ZBTB44: variants seen among roughly 807,000 people sequenced by gnomAD.
The protein encoded by ZBTB44 is zinc finger and BTB domain-containing protein 44.
A neutral mutation model predicts 54.0 loss-of-function variants in ZBTB44; 15 were observed. The observed-to-expected ratio is 0.28, with a 90% CI of 0.19 to 0.43. The LOEUF is 0.43. Ranked by LOEUF, ZBTB44 falls within the 20% of genes least tolerant of loss-of-function variation. ZBTB44 has a pLI of 1.00. For synonymous variants in ZBTB44, 230 were observed against 250.1 expected (o/e 0.92, Z 0.76); for missense variants, 487 against 707.1 (o/e 0.69, Z 3.53).
At chr11:130,299,671 G>C (rs1301364612) in intron 1 of ZBTB44, among the ~76,000 whole-genome samples, 1 of 151,010 alleles carries the variant, frequency 6.6e-6, no homozygotes, top group Non-Finnish European at 1.5e-5. Flanking sequence ...GTCTTGGCAA[G>C]GATGTGGAGA....
intron 1 of ZBTB44, among the ~76,000 whole-genome samples, chr11:130,267,739 T>C (rs553259423): frequency 1.3e-5 from 2 of 152,242 alleles, no homozygotes; most frequent in South Asian, 2.1e-4. Context: ...ATAAGTAATA[T>C]GCTATCAAAC....
At chr11:130,295,919 G>C in intron 1 of ZBTB44, 2 of 1,518,662 alleles carry the variant, frequency 1.3e-6, no homozygotes, top group South Asian at 2.2e-5. Context: ...GGCAGTAACG[G>C]ATCTGCTGAA....
At chr11:130,310,773 C>T (rs901949635) in intron 1 of ZBTB44, among the ~76,000 whole-genome samples, 11 of 152,096 alleles carry the variant, frequency 7.2e-5, no homozygotes, top group East Asian at 5.8e-4. Context: ...GATGGAGTCC[C>T]GCTTTGTCAC....
chr11:130,281,207 C>A (rs1940472142), intron 1 of ZBTB44, among the ~76,000 whole-genome samples: 1 of 152,074 alleles, frequency 6.6e-6, no homozygotes, highest in African/African-American at 2.4e-5. Flanking sequence ...ATTAATCATC[C>A]AAAGTGTCTG....
At chr11:130,297,868 T>G (rs1941745427) in intron 1 of ZBTB44, among the ~76,000 whole-genome samples, 1 of 152,222 alleles carries the variant, frequency 6.6e-6, no homozygotes, top group Non-Finnish European at 1.5e-5. Flanking sequence ...CTAAATGTTT[T>G]GACTAAAAGT....
chr11:130,240,796 C>T (rs972319451), intron 2 of ZBTB44, among the ~76,000 whole-genome samples: 3 of 152,158 alleles, frequency 2.0e-5, no homozygotes, highest in Non-Finnish European at 4.4e-5. Context: ...GGTAGGTATT[C>T]GTTCTTGCTG....
chr11:130,267,182 T>A (rs1005987516), intron 1 of ZBTB44, among the ~76,000 whole-genome samples: 2 of 151,964 alleles, frequency 1.3e-5, no homozygotes, highest in Non-Finnish European at 2.9e-5. Context: ...GAGGACTGCA[T>A]GAGCTTGGGA....
At chr11:130,296,871 G>C (rs1486825875) in intron 1 of ZBTB44, 6 of 732,338 alleles carry the variant, frequency 8.2e-6, no homozygotes, top group South Asian at 5.8e-5. Context: ...GCCTCAAGTT[G>C]CTCTGCCATT....
At position 130,261,455 on chromosome 11, in the gene ZBTB44, C is replaced by A. The variant is rs1938860925; in HGVS notation, c.419G>T (p.Gly140Val). 1 of 1,613,986 alleles carries A rather than the reference C, an allele frequency of 6.2e-7. No individual in the cohort carries two copies. Among genetic ancestry groups the A allele is most frequent in the Non-Finnish European group, 8.5e-7 (1 of 1,179,896 alleles). Reference protein sequence around the residue: ...WNTPNSQPEKGLDAGQENNSN... With the variant: ...WNTPNSQPEKVLDAGQENNSN... ...ATTATTTTCTTGTCCAGCATCTAGA[C>A]CCTTTTCAGGTTGGCTGTTGGGTGT... is the stretch of plus-strand genomic sequence containing the variant. The change falls in exon 2 of 8, where the codon GGT (glycine) becomes GTT (valine). Residue 140 changes from glycine to valine, a missense_variant. Coordinates refer to ENST00000357899, the MANE Select transcript of ZBTB44 (RefSeq NM_001301098.2). This position sits in a 1 kb window ranked among gnomAD's most constrained non-coding sequence, Gnocchi z 4.8.
intron 1 of ZBTB44, among the ~76,000 whole-genome samples, chr11:130,309,182 T>C (rs1167343085): frequency 1.3e-5 from 2 of 152,242 alleles, no homozygotes; most frequent in Middle Eastern, 3.2e-3. Context: ...AGCTTCTCTC[T>C]TGCTGATCTG....
chr11:130,239,712 AG>A lies in ZBTB44; in HGVS notation c.1103+99del. ...TTACTTTGAAAAGTATACTGAAGTG[AG>A]GTTGTAATAAACTTCTACAACTCTT... On this transcript the variant is annotated intron_variant, in intron 3 of 7. Coordinates refer to ENST00000357899, the MANE Select transcript of ZBTB44 (RefSeq NM_001301098.2). 4 of 885,436 alleles carry A rather than the reference AG, an allele frequency of 4.5e-6. No homozygotes were observed. In the Admixed American group the frequency reaches 8.8e-5, roughly 20 times the overall value. 54.8% of individuals were successfully genotyped at this position (885,436 alleles called of 1,614,324 possible). A position where few individuals can be genotyped will look rare whatever the true frequency, so the allele number is the denominator to read the frequency against.
intron 1 of ZBTB44, among the ~76,000 whole-genome samples, chr11:130,306,501 C>CAAA (rs569135269): frequency 0.013 from 1,847 of 137,056 alleles, 42 homozygotes; most frequent in African/African-American, 0.047. Flanking sequence ...AAACTCCACT[C>CAAA]AAAAAAAAAA....
In ZBTB44 at chr11:130,298,168, G is replaced by C. The variant is rs1565333919; in HGVS notation, c.-57+16207C>G. Among the ~76,000 whole-genome samples, 5 of 151,332 alleles carry C rather than the reference G, an allele frequency of 3.3e-5. No individual in the cohort carries two copies. The South Asian group carries it at 1.0e-3, about 32-fold the overall frequency. On this transcript the variant is annotated intron_variant, in intron 1 of 7. Transcript: ENST00000357899. ...TTGATGATTTTTTTTTTTTGAGATA[G>C]GGTCTTACTCTGTTGCCTAGATTAG...
At chr11:130,237,315 A>G (rs1465440918) in intron 4 of ZBTB44, among the ~76,000 whole-genome samples, 2 of 152,216 alleles carry the variant, frequency 1.3e-5, no homozygotes, top group African/African-American at 4.8e-5. Context: ...AGGGGAGGCA[A>G]ACTAGGTAAC....
chr11:130,244,998 A>T (rs1954580402), intron 2 of ZBTB44, among the ~76,000 whole-genome samples: 1 of 152,228 alleles, frequency 6.6e-6, no homozygotes, highest in South Asian at 2.1e-4. Context: ...GACACCATAT[A>T]GAACTTATTT....
chr11:130,272,277 C>T (rs927141438), intron 1 of ZBTB44, among the ~76,000 whole-genome samples: 1 of 152,134 alleles, frequency 6.6e-6, no homozygotes, highest in African/African-American at 2.4e-5. Context: ...CACATCCTCA[C>T]CAACACTTAT....
At chr11:130,304,728 TAGTC>T (rs1293480605) in intron 1 of ZBTB44, among the ~76,000 whole-genome samples, 2 of 152,210 alleles carry the variant, frequency 1.3e-5, no homozygotes, top group Admixed American at 6.5e-5. Context: ...AATATATTTT[TAGTC>T]AGTAACATTT....
At position 130,243,332 on chromosome 11, in the gene ZBTB44, T is replaced by C. The variant is rs187684691; in HGVS notation, c.1019-3436A>G. ...GCCCTTGAAAATTATTTGTAGGAAA[T>C]TGAGTTGCTGAGGTCAGGATACATA... On this transcript the variant is annotated intron_variant, in intron 2 of 7. Transcript: ENST00000357899. 2.5e-3 allele frequency among the ~76,000 whole-genome samples: 383 copies of C among 152,330 alleles called. 8 individuals carry two copies. Among genetic ancestry groups the C allele is most frequent in the Non-Finnish European group, 1.7e-3 (119 of 68,028 alleles).
In ZBTB44 at chr11:130,234,148, G is replaced by A. The variant is rs1954005514; in HGVS notation, c.1686+8C>T. On this transcript the variant is annotated splice_region_variant and intron_variant, in intron 6 of 7. Transcript: ENST00000357899. ...AAAAGTGCTTTCACAATTCTGGGTTGAGGAGACCTGTGAAATGACAGGCAT... is the reference window on the plus strand; with the variant it reads ...AAAAGTGCTTTCACAATTCTGGGTTAAGGAGACCTGTGAAATGACAGGCAT... 3 of 1,544,502 alleles carry A rather than the reference G, an allele frequency of 1.9e-6. No individual in the cohort carries two copies. Among genetic ancestry groups the A allele is most frequent in the African/African-American group, 2.8e-5 (2 of 72,264 alleles).
Sources: gnomAD v4.1 joint callset for allele counts (sites outside exome capture counted in the v4.1 genomes callset) on GRCh38, gnomAD v4.1.1 for gene constraint, Gnocchi (gnomAD v3.1) non-coding constraint, MANE v1.5 for transcripts, NCBI Gene and HGNC (gene_info 2026-07-23, HGNC 2026-07-21) for gene names.